SLA2: variants seen among roughly 807,000 people sequenced by gnomAD.
SLA2 encodes the protein src-like-adapter 2.
SLA2 carries 22 observed loss-of-function variants against 27.3 expected under a neutral mutation model. That is an observed-to-expected ratio of 0.81 (90% CI 0.58 to 1.15). The LOEUF is 1.15. Among genes scored for constraint, SLA2 ranks in the 50% most tolerant of loss-of-function variants. The probability of loss-of-function intolerance (pLI) is 0.00; values close to 1 mark genes in which losing one functional copy is unlikely to be tolerated. For missense variants in SLA2, 304 were observed against 322.2 expected (o/e 0.94, Z 0.43); for synonymous variants, 131 against 137.8 (o/e 0.95, Z 0.34).
intron 5 of SLA2, among the ~76,000 whole-genome samples, chr20:36,623,378 G>A (rs183955106): frequency 1.3e-5 from 2 of 151,512 alleles, no homozygotes; most frequent in African/African-American, 4.8e-5. Context: ...TCTACTCAGT[G>A]TTGTACTAAA....
chr20:36,618,435 A>G (rs1031283804), intron 5 of SLA2, among the ~76,000 whole-genome samples: 1 of 151,506 alleles, frequency 6.6e-6, no homozygotes, highest in African/African-American at 2.4e-5. Flanking sequence ...ATGGGGTTTC[A>G]CTATGTTGGC....
chr20:36,621,943 G>C (rs1276855485), intron 5 of SLA2, among the ~76,000 whole-genome samples: 1 of 151,934 alleles, frequency 6.6e-6, no homozygotes, highest in Non-Finnish European at 1.5e-5. Context: ...TTGAGCCTGT[G>C]ACGTTGAGGC....
At chr20:36,621,455 T>A (rs2039281753) in intron 5 of SLA2, 1 of 444,270 alleles carries the variant, frequency 2.3e-6, no homozygotes, top group African/African-American at 2.1e-5. Context: ...GTGTTGTTTT[T>A]TTTTTGAGAC....
rs2039158612 is a variant in SLA2, at chr20:36,612,959, T to A, written c.*907A>T. On this transcript the variant is annotated 3_prime_UTR_variant, in exon 8 of 8. Transcript: ENST00000262866. ...TAGGCTGGGTGCCGTGGCTCACACC[T>A]GTAATCCCAGCACTTTGGGAGGCCA... 6.5e-6 allele frequency: 1 copy of A among 152,918 alleles called. No individual in the cohort carries two copies. The highest frequency in any genetic ancestry group is 6.5e-5 in the Admixed American group (1 of 15,382). 9.5% of individuals were successfully genotyped at this position (152,918 alleles called of 1,614,324 possible).
intron 5 of SLA2, among the ~76,000 whole-genome samples, chr20:36,623,308 AG>A (rs1370111380): frequency 6.6e-6 from 1 of 151,424 alleles, no homozygotes; most frequent in African/African-American, 2.4e-5. Context: ...CATGCTTAAT[AG>A]GAAAGATTGA....
At chr20:36,617,902 C>T (rs2039233188) in intron 5 of SLA2, among the ~76,000 whole-genome samples, 1 of 151,472 alleles carries the variant, frequency 6.6e-6, no homozygotes, top group South Asian at 2.1e-4. Flanking sequence ...AATCCCAGCA[C>T]TTTGAGAGGC....
At chr20:36,636,118 T>C (rs1469550109) in intron 2 of SLA2, among the ~76,000 whole-genome samples, 1 of 152,100 alleles carries the variant, frequency 6.6e-6, no homozygotes, top group African/African-American at 2.4e-5. Context: ...ATGTGGTAGA[T>C]TTAAAGTGGT....
At chr20:36,637,624 CTTTT>C (rs36100264) in intron 2 of SLA2, among the ~76,000 whole-genome samples, 2 of 80,942 alleles carry the variant, frequency 2.5e-5, no homozygotes, top group East Asian at 8.3e-4. Flanking sequence ...GTGAAGTTTG[CTTTT>C]TTTTTTTTTT....
intron 5 of SLA2, among the ~76,000 whole-genome samples, chr20:36,616,760 C>G (rs142326833): frequency 6.6e-6 from 1 of 152,182 alleles, no homozygotes; most frequent in Non-Finnish European, 1.5e-5. Context: ...GAATTATAGG[C>G]GTGAACCACC....
chr20:36,621,208 G>C (rs1020976271), intron 5 of SLA2: 2 of 499,372 alleles, frequency 4.0e-6, no homozygotes, highest in Non-Finnish European at 7.8e-6. Flanking sequence ...CGGTGGCGGA[G>C]GATATGATGG....
chr20:36,625,688 ATGG>A (rs1211057339), intron 5 of SLA2, among the ~76,000 whole-genome samples: 10 of 152,008 alleles, frequency 6.6e-5, no homozygotes, highest in African/African-American at 2.4e-4. Flanking sequence ...AAAGTTAGGC[ATGG>A]TGGTGCACGC....
intron 2 of SLA2, among the ~76,000 whole-genome samples, chr20:36,640,403 T>C (rs1022485316): frequency 6.6e-6 from 1 of 152,116 alleles, no homozygotes; most frequent in Non-Finnish European, 1.5e-5. Context: ...CAGAACTTTC[T>C]GCAACAATGG....
chr20:36,622,267 C>T (rs1424646323), intron 5 of SLA2, among the ~76,000 whole-genome samples: 1 of 149,906 alleles, frequency 6.7e-6, no homozygotes, highest in Non-Finnish European at 1.5e-5. Context: ...GTCCCAGCTA[C>T]TCAGGAGGCT....
At chr20:36,632,828 C>G in intron 4 of SLA2, 130 bp from the exon 5 acceptor site, 1 of 694,588 alleles carries the variant, frequency 1.4e-6, no homozygotes, top group Non-Finnish European at 2.4e-6. Context: ...TCTATCTGCT[C>G]CACGAAGAGC....
chr20:36,614,329 G>A lies in SLA2; in HGVS notation c.641C>T (p.Pro214Leu), dbSNP rs768086821. The A allele has an allele frequency of 6.2e-7, 1 of 1,614,188 alleles. No homozygotes were observed. Among genetic ancestry groups the A allele is most frequent in the Non-Finnish European group, 8.5e-7 (1 of 1,180,034 alleles). Residue 214 changes from proline (P) to leucine (L), a missense_variant, in exon 7 of 8, where the codon CCA (proline) becomes CTA (leucine). Coordinates refer to ENST00000262866, the MANE Select transcript of SLA2 (RefSeq NM_032214.4). ...IPLPVTVQRT[P>L]LNWKELDSSL... ...CCTGTCCAGCTCTTTCCAGTTGAGT[G>A]GTGTCCTCTGCACAGTCACAGGTAG...
intron 5 of SLA2, among the ~76,000 whole-genome samples, chr20:36,617,357 T>C (rs1409261498): frequency 2.6e-5 from 4 of 151,232 alleles, no homozygotes; most frequent in Non-Finnish European, 4.4e-5. Context: ...AGAGCGAGAC[T>C]CCATCTCAAT....
intron 5 of SLA2, chr20:36,621,391 G>T: frequency 1.7e-6 from 1 of 584,284 alleles, no homozygotes. Flanking sequence ...ATGTGGTGGT[G>T]TAAGTGGTAG....
In SLA2 at chr20:36,614,065, C is replaced by G; in HGVS notation, c.666-79G>C. The G allele has an allele frequency of 3.2e-6, 5 of 1,577,630 alleles. 1 individual carries two copies. The highest frequency in any genetic ancestry group is 2.2e-5 in the East Asian group (1 of 44,612). ...TCACTACACACAAAATTGCACTGTT[C>G]TCAAAACCCTTCACTCCTGCTGAGG... On this transcript the variant is annotated intron_variant, in intron 7 of 7. Transcript: ENST00000262866.
chr20:36,644,824 T>G (rs1229305375), intron 1 of SLA2, among the ~76,000 whole-genome samples: 1 of 151,020 alleles, frequency 6.6e-6, no homozygotes, highest in African/African-American at 2.4e-5. Context: ...AAGGAAAAAG[T>G]TAGTCAACGG....
Sources: allele counts gnomAD v4.1 joint callset (sites outside exome capture counted in the v4.1 genomes callset), GRCh38; gene constraint gnomAD v4.1.1; transcripts MANE v1.5; gene names NCBI Gene and HGNC (gene_info 2026-07-23, HGNC 2026-07-21).